FHIP2A: variants seen among roughly 807,000 people sequenced by gnomAD.
FHIP2A encodes the protein family with sequence similarity 160 member B1.
A neutral mutation model predicts 93.5 loss-of-function variants in FHIP2A; 46 were observed. The ratio of observed to expected loss-of-function variants is 0.49; its 90% CI spans 0.39 to 0.63. The LOEUF (loss-of-function observed/expected upper bound fraction) is 0.63, where lower values mean the gene tolerates loss of function less well. Ranked by LOEUF, FHIP2A falls within the 20% of genes least tolerant of loss-of-function variation. The pLI is 0.00. For missense variants in FHIP2A, 769 were observed against 909.7 expected (o/e 0.85, Z 1.99); for synonymous variants, 332 against 326.5 (o/e 1.02, Z -0.18).
chr10:114,862,442 T>TG lies in FHIP2A; in HGVS notation c.*906dup. ...ACTGAAACGCATGGTGGTGTCTAGG[T>TG]GGGGAACTGACTGATAACCCTTGGC... On this transcript the variant is annotated 3_prime_UTR_variant, in exon 17 of 17. Transcript: ENST00000369248. 1 of 987,578 alleles carries TG rather than the reference T, an allele frequency of 1.0e-6. No individual in the cohort carries two copies. The highest frequency in any genetic ancestry group is 1.2e-6 in the Non-Finnish European group (1 of 830,092). 61.2% of individuals were successfully genotyped at this position (987,578 alleles called of 1,614,324 possible). A position where few individuals can be genotyped will look rare whatever the true frequency, so the allele number is the denominator to read the frequency against.
Position 114,863,357 on chromosome 10 carries a change from T to A in FHIP2A, c.*1817T>A. 1.0e-6 allele frequency: 1 copy of A among 990,354 alleles called. No homozygotes were observed. Among genetic ancestry groups the A allele is most frequent in the South Asian group, 4.4e-5 (1 of 22,840 alleles). The allele number at this position is 990,354 out of a possible 1,614,324, so 61.3% of individuals were successfully genotyped here. ...ATTTAAACTAAGGCATTAAGAGATATTAGATATTTCTTAATGTTTTCATAG... is the reference window on the plus strand; with the variant it reads ...ATTTAAACTAAGGCATTAAGAGATAATAGATATTTCTTAATGTTTTCATAG... On this transcript the variant is annotated 3_prime_UTR_variant, in exon 17 of 17. Coordinates refer to ENST00000369248, the MANE Select transcript of FHIP2A (RefSeq NM_020940.4).
In FHIP2A at chr10:114,845,482, G is replaced by A. The variant is rs1459481610; in HGVS notation, c.1128+1G>A. The A allele has an allele frequency of 6.4e-7, 1 of 1,573,150 alleles. No individual in the cohort carries two copies. Among genetic ancestry groups the A allele is most frequent in the Non-Finnish European group, 8.7e-7 (1 of 1,149,840 alleles). On this transcript the variant is annotated splice_donor_variant, in intron 8 of 16. Transcript: ENST00000369248. LOFTEE classifies it high-confidence loss of function. ...TCAGCTCATTAAGGAAGCCCAAAAG[G>A]TTTGTAATTTTTTATTGTTTTTTGA...
At chr10:114,840,231 A>G (rs2083661513) in intron 5 of FHIP2A, among the ~76,000 whole-genome samples, 1 of 152,218 alleles carries the variant, frequency 6.6e-6, no homozygotes, top group South Asian at 2.1e-4. Flanking sequence ...TCTATAAAAA[A>G]TAAATAAATA....
At chr10:114,892,624 C>T (rs113286735) in intron 16 of FHIP2A, among the ~76,000 whole-genome samples, 12,048 of 151,644 alleles carry the variant, frequency 0.079, 906 homozygotes, top group African/African-American at 0.19. Context: ...GGTGACAGAG[C>T]GAGATTCTGT....
chr10:114,846,422 A>G, intron 10 of FHIP2A, 55 bp downstream of exon 10: 3 of 1,516,594 alleles, frequency 2.0e-6, no homozygotes, highest in South Asian at 2.4e-5. Flanking sequence ...TACGGTTTTA[A>G]TGTATTATAC....
chr10:114,851,261 T>C (rs1380167261), intron 13 of FHIP2A, among the ~76,000 whole-genome samples: 1 of 152,192 alleles, frequency 6.6e-6, no homozygotes, highest in Non-Finnish European at 1.5e-5. Flanking sequence ...TTTTTCTTCA[T>C]GCTTTTTGTG....
chr10:114,867,941 ATTTTTT>A (rs3981290), downstream of FHIP2A, among the ~76,000 whole-genome samples: 1 of 141,034 alleles, frequency 7.1e-6, no homozygotes, highest in Non-Finnish European at 1.5e-5. Flanking sequence ...GTGCTTTATA[ATTTTTT>A]TTTTTTTTTT....
intron 16 of FHIP2A, among the ~76,000 whole-genome samples, chr10:114,881,020 C>G (rs1467451335): frequency 6.6e-6 from 1 of 152,134 alleles, no homozygotes; most frequent in Non-Finnish European, 1.5e-5. Flanking sequence ...AACAGAAAGC[C>G]TTGGAGACAG....
intron 16 of FHIP2A, among the ~76,000 whole-genome samples, chr10:114,882,437 G>C (rs1218390765): frequency 1.3e-5 from 2 of 152,200 alleles, no homozygotes; most frequent in African/African-American, 4.8e-5. Context: ...AGAGGCACTA[G>C]AGAAATCCCT....
chr10:114,883,453 TTAAAG>T (rs1434016781), intron 16 of FHIP2A, among the ~76,000 whole-genome samples: 8 of 152,160 alleles, frequency 5.3e-5, no homozygotes, highest in Admixed American at 1.3e-4. Context: ...TTATGTACTA[TTAAAG>T]TAAACAATTT....
downstream of FHIP2A, among the ~76,000 whole-genome samples, chr10:114,866,721 CTG>C (rs1274523991): frequency 2.0e-5 from 3 of 152,126 alleles, no homozygotes; most frequent in Non-Finnish European, 4.4e-5. Context: ...CTGGTGAACA[CTG>C]TTAGAGAAAC....
At chr10:114,831,389 C>T (rs1376212748) in intron 2 of FHIP2A, among the ~76,000 whole-genome samples, 1 of 152,052 alleles carries the variant, frequency 6.6e-6, no homozygotes, top group East Asian at 1.9e-4. Context: ...AGGAACCAAG[C>T]CTGCTAGATA....
intron 16 of FHIP2A, among the ~76,000 whole-genome samples, chr10:114,886,450 G>A (rs925889572): frequency 1.3e-5 from 2 of 151,924 alleles, no homozygotes; most frequent in Non-Finnish European, 1.5e-5. Context: ...GTCTATAGTG[G>A]GCCAAATATG....
At chr10:114,857,356 G>T (rs1321056996) in intron 14 of FHIP2A, among the ~76,000 whole-genome samples, 3 of 138,776 alleles carry the variant, frequency 2.2e-5, no homozygotes, top group Non-Finnish European at 4.7e-5. Context: ...TGTCACCCAG[G>T]CTGGAATGCA....
At chr10:114,887,856 G>A (rs945020703) in intron 16 of FHIP2A, among the ~76,000 whole-genome samples, 15 of 152,194 alleles carry the variant, frequency 9.9e-5, no homozygotes, top group Non-Finnish European at 2.2e-4. Context: ...ATTAATATGG[G>A]AAATGGTGGC....
intron 16 of FHIP2A, among the ~76,000 whole-genome samples, chr10:114,880,212 C>T (rs1438557770): frequency 1.3e-5 from 2 of 151,936 alleles, no homozygotes; most frequent in Non-Finnish European, 2.9e-5. Context: ...GGGTTGGAGG[C>T]GGGAGGATTG....
chr10:114,881,830 G>A (rs997046510), intron 16 of FHIP2A, among the ~76,000 whole-genome samples: 12 of 152,170 alleles, frequency 7.9e-5, no homozygotes, highest in Admixed American at 2.0e-4. Flanking sequence ...AATTTCTCCT[G>A]GAAAAAGCAA....
chr10:114,892,563 GGGA>G (rs2143016319), intron 16 of FHIP2A, among the ~76,000 whole-genome samples: 1 of 152,180 alleles, frequency 6.6e-6, no homozygotes, highest in African/African-American at 2.4e-5. Context: ...GCCTGAACCC[GGGA>G]GGAGGAGGTT....
In FHIP2A at chr10:114,863,449, C is replaced by T; in HGVS notation, c.*1909C>T. 2 of 1,105,388 alleles carry T rather than the reference C, an allele frequency of 1.8e-6. No homozygotes were observed. The highest frequency in any genetic ancestry group is 8.6e-4 in the Middle Eastern group (2 of 2,332). The allele number at this position is 1,105,388 out of a possible 1,614,324, so 68.5% of individuals were successfully genotyped here. On this transcript the variant is annotated 3_prime_UTR_variant, in exon 17 of 17. Coordinates refer to ENST00000369248, the MANE Select transcript of FHIP2A (RefSeq NM_020940.4). ...AAATACTCTTTTATCCTTGATTCCA[C>T]TATGGGACCTTATAACTAGTCCATG...
Sources: allele counts gnomAD v4.1 joint callset (sites outside exome capture counted in the v4.1 genomes callset), GRCh38; gene constraint gnomAD v4.1.1; transcripts MANE v1.5; gene names NCBI Gene and HGNC (gene_info 2026-07-23, HGNC 2026-07-21).